The following CACNA2D3 variants were observed in gnomAD, a reference collection of about 807,000 sequenced individuals.
CACNA2D3 encodes calcium voltage-gated channel auxiliary subunit alpha2delta 3.
Under a neutral mutation model 160.6 loss-of-function variants are expected in CACNA2D3, and 60 were observed. That is an observed-to-expected ratio of 0.37 (90% CI 0.30 to 0.46). The LOEUF (loss-of-function observed/expected upper bound fraction) is 0.46. CACNA2D3 is among the 20% of genes least tolerant of loss of function. CACNA2D3 has a pLI of 1.00. For synonymous variants in CACNA2D3, 558 were observed against 492.9 expected (o/e 1.13, Z -1.75); for missense variants, 1,205 against 1,365.0 (o/e 0.88, Z 1.85).
intron 13 of CACNA2D3, among the ~76,000 whole-genome samples, chr3:54,784,143 G>T (rs927346927): frequency 6.6e-6 from 1 of 152,148 alleles, no homozygotes. Flanking sequence ...GTCAAGCAGT[G>T]GGTTAATAAG....
chr3:54,899,334 A>T (rs991909597), intron 26 of CACNA2D3, among the ~76,000 whole-genome samples: 1 of 152,224 alleles, frequency 6.6e-6, no homozygotes, highest in Non-Finnish European at 1.5e-5. Flanking sequence ...AATTTTATAG[A>T]TCAGTAAAGA....
At chr3:54,514,367 A>G (rs147295070) in intron 5 of CACNA2D3, among the ~76,000 whole-genome samples, 21 of 152,334 alleles carry the variant, frequency 1.4e-4, no homozygotes, top group Non-Finnish European at 2.4e-4. Flanking sequence ...CAGTGTGTTT[A>G]GGAGAAGTGA....
intron 2 of CACNA2D3, among the ~76,000 whole-genome samples, chr3:54,166,279 A>C (rs1409139847): frequency 6.6e-6 from 1 of 152,242 alleles, no homozygotes; most frequent in Non-Finnish European, 1.5e-5. Flanking sequence ...ACCAAAGTCC[A>C]TCATGTCCCA....
At position 54,802,901 on chromosome 3, in the gene CACNA2D3, C is replaced by A. The variant is rs568928750; in HGVS notation, c.1381-13952C>A. Among the ~76,000 whole-genome samples, 3 of 152,170 alleles carry A rather than the reference C, an allele frequency of 2.0e-5. No individual in the cohort carries two copies. In the East Asian group the frequency reaches 5.8e-4, roughly 29 times the overall value. On this transcript the variant is annotated intron_variant, in intron 13 of 37. Coordinates refer to ENST00000474759, the MANE Select transcript of CACNA2D3 (RefSeq NM_018398.3). Reference sequence around the variant, plus strand: ...ATCAGACAGCAGCATTCGCGATTCACGAAAGTCCGCTGTTCTGCAGCCACC... The same window carrying A: ...ATCAGACAGCAGCATTCGCGATTCAAGAAAGTCCGCTGTTCTGCAGCCACC...
chr3:54,511,157 G>T (rs1334212756), intron 5 of CACNA2D3, among the ~76,000 whole-genome samples: 1 of 152,144 alleles, frequency 6.6e-6, no homozygotes, highest in East Asian at 1.9e-4. Context: ...GTCCTTTCCT[G>T]AGAGCCTGGC....
rs199957057 is a variant in CACNA2D3 at position 54,391,495 on chromosome 3, T to G, written c.381+4721T>G. ...TTGGCCTTCATTGGCGGGGTGGCTTTCTTTCTTTCTTTCTTTCTTTCTTTT... is the reference window on the plus strand; with the variant it reads ...TTGGCCTTCATTGGCGGGGTGGCTTGCTTTCTTTCTTTCTTTCTTTCTTTT... On this transcript the variant is annotated intron_variant, in intron 4 of 37. Coordinates refer to ENST00000474759, the MANE Select transcript of CACNA2D3 (RefSeq NM_018398.3). 4.0e-3 allele frequency among the ~76,000 whole-genome samples: 593 copies of G among 148,644 alleles called. 18 individuals carry two copies. The East Asian group carries it at 0.078, about 20-fold the overall frequency.
intron 3 of CACNA2D3, among the ~76,000 whole-genome samples, chr3:54,330,909 G>A (rs879699900): frequency 2.0e-5 from 3 of 152,190 alleles, no homozygotes; most frequent in African/African-American, 4.8e-5. Context: ...TCCACACGGG[G>A]GAATTAGGGT....
chr3:54,724,830 A>T (rs980772348), intron 11 of CACNA2D3, among the ~76,000 whole-genome samples: 1 of 152,204 alleles, frequency 6.6e-6, no homozygotes, highest in African/African-American at 2.4e-5. Context: ...AAAGATCTAA[A>T]ATTGACACGC....
At chr3:55,052,198 A>G (rs1381251629) in intron 35 of CACNA2D3, among the ~76,000 whole-genome samples, 3 of 152,128 alleles carry the variant, frequency 2.0e-5, no homozygotes, top group African/African-American at 4.8e-5. Flanking sequence ...CCTTGAGGTT[A>G]TTTAAAGCTG....
intron 24 of CACNA2D3, among the ~76,000 whole-genome samples, chr3:54,889,722 T>C (rs1415509551): frequency 3.3e-5 from 5 of 152,118 alleles, no homozygotes; most frequent in Non-Finnish European, 7.4e-5. Flanking sequence ...CCATTTTCAT[T>C]ATTAGGGGTG....
Position 54,500,519 on chromosome 3 carries a change from T to A in CACNA2D3, c.382-2973T>A, listed in dbSNP as rs141264843. ...TTCCTTCCTATCTTCCTTCCTTCCT[T>A]CCTTCCTTCCTTCCTTCCTTCCTTC... On this transcript the variant is annotated intron_variant, in intron 4 of 37. Coordinates refer to ENST00000474759, the MANE Select transcript of CACNA2D3 (RefSeq NM_018398.3). Among the ~76,000 whole-genome samples the A allele has an allele frequency of 8.4e-3, 485 of 57,828 alleles. 3 individuals carry two copies. The highest frequency in any genetic ancestry group is 0.012 in the Admixed American group (69 of 5,628). 37.9% of individuals were successfully genotyped at this position (57,828 alleles called of 152,430 possible). A position where few individuals can be genotyped will look rare whatever the true frequency, so the allele number is the denominator to read the frequency against.
At chr3:54,851,838 A>T (rs1273907458) in intron 17 of CACNA2D3, among the ~76,000 whole-genome samples, 2 of 152,226 alleles carry the variant, frequency 1.3e-5, no homozygotes, top group Non-Finnish European at 2.9e-5. Flanking sequence ...GATATTTTAC[A>T]TTCTTTTCAT....
At chr3:54,192,951 C>A (rs1423480805) in intron 2 of CACNA2D3, among the ~76,000 whole-genome samples, 1 of 152,200 alleles carries the variant, frequency 6.6e-6, no homozygotes, top group East Asian at 1.9e-4. Context: ...ATAATGTTAA[C>A]CGCAGCCCAG....
At chr3:54,899,731 T>C (rs1446482082) in intron 26 of CACNA2D3, 57 bp from the exon 27 acceptor site, 4 of 1,257,360 alleles carry the variant, frequency 3.2e-6, no homozygotes, top group African/African-American at 1.5e-5. Context: ...GATTACTCTC[T>C]TAACGTGTAC....
chr3:54,361,778 C>T (rs896431252), intron 3 of CACNA2D3, among the ~76,000 whole-genome samples: 1 of 152,088 alleles, frequency 6.6e-6, no homozygotes, highest in Non-Finnish European at 1.5e-5. Flanking sequence ...CCTAGGCTTG[C>T]GAAAGTTATC....
At chr3:54,631,767 T>C (rs1699242449) in intron 10 of CACNA2D3, among the ~76,000 whole-genome samples, 1 of 152,234 alleles carries the variant, frequency 6.6e-6, no homozygotes, top group Admixed American at 6.5e-5. Flanking sequence ...CTCTGCTGCA[T>C]TCATTAGATT....
At chr3:54,819,308 A>G (rs1703532047) in intron 14 of CACNA2D3, among the ~76,000 whole-genome samples, 1 of 152,238 alleles carries the variant, frequency 6.6e-6, no homozygotes, top group African/African-American at 2.4e-5. Flanking sequence ...TTTGAAAGTT[A>G]CTTCTCTTAC....
At chr3:54,227,525 G>C (rs1313940823) in intron 2 of CACNA2D3, among the ~76,000 whole-genome samples, 1 of 141,570 alleles carries the variant, frequency 7.1e-6, no homozygotes, top group East Asian at 2.3e-4. Context: ...ACAAGACAGA[G>C]CCAAACATTT....
rs565337145 is a variant in CACNA2D3 at position 54,358,376 on chromosome 3, G to A, written c.322-28339G>A. ...GAATATACAATTTTGTTTAAGGAAA[G>A]GACACCTCCTCCCCTCTGACTGCAA... On this transcript the variant is annotated intron_variant, in intron 3 of 37. Coordinates refer to ENST00000474759, the MANE Select transcript of CACNA2D3 (RefSeq NM_018398.3). Among the ~76,000 whole-genome samples the A allele has an allele frequency of 1.7e-4, 26 of 152,314 alleles. 1 individual carries two copies. In the South Asian group the frequency reaches 5.2e-3, roughly 30 times the overall value.
Sources: gnomAD v4.1 joint callset for allele counts (sites outside exome capture counted in the v4.1 genomes callset) on GRCh38, gnomAD v4.1.1 for gene constraint, MANE v1.5 for transcripts, NCBI Gene and HGNC (gene_info 2026-07-23, HGNC 2026-07-21) for gene names.